ZBTB7C: variants seen among roughly 807,000 people sequenced by gnomAD.
ZBTB7C encodes zinc finger and BTB domain-containing protein 7C.
Under a neutral mutation model 25.7 loss-of-function variants are expected in ZBTB7C, and 8 were observed. That is an observed-to-expected ratio of 0.31 (90% CI 0.18 to 0.56). The LOEUF (loss-of-function observed/expected upper bound fraction) is 0.56, where lower values mean the gene tolerates loss of function less well. ZBTB7C is among the 20% of genes least tolerant of loss of function. ZBTB7C has a pLI of 0.91. For missense variants in ZBTB7C, 824 were observed against 855.2 expected, an observed-to-expected ratio of 0.96 and a Z score of 0.46; for synonymous variants, 394 against 369.0, an observed-to-expected ratio of 1.07 and a Z score of -0.78.
chr18:48,037,849 C>G (rs1167270822), intron 4 of ZBTB7C, among the ~76,000 whole-genome samples: 1 of 152,202 alleles, frequency 6.6e-6, no homozygotes, highest in East Asian at 1.9e-4. Flanking sequence ...CTTTCCTGAT[C>G]TGGCCTGTGA....
intron 3 of ZBTB7C, among the ~76,000 whole-genome samples, chr18:48,095,197 T>A (rs376303840): frequency 2.6e-5 from 4 of 151,928 alleles, no homozygotes; most frequent in East Asian, 3.9e-4. Flanking sequence ...AAATAAGGAG[T>A]CCTTGGATTC....
intron 2 of ZBTB7C, among the ~76,000 whole-genome samples, chr18:48,238,892 G>T (rs540523626): frequency 3.0e-4 from 45 of 152,232 alleles, no homozygotes; most frequent in African/African-American, 1.0e-3. Flanking sequence ...CCTTGTAGCC[G>T]GGGGCAAGAT....
intron 2 of ZBTB7C, among the ~76,000 whole-genome samples, chr18:48,311,749 G>C (rs2045825880): frequency 6.6e-6 from 1 of 152,154 alleles, no homozygotes; most frequent in Non-Finnish European, 1.5e-5. Flanking sequence ...GGCATGCATG[G>C]CTGACAGTAA....
At chr18:48,193,286 G>A (rs563687390) in intron 2 of ZBTB7C, among the ~76,000 whole-genome samples, 323 of 152,228 alleles carry the variant, frequency 2.1e-3, no homozygotes, top group African/African-American at 7.4e-3. Context: ...CCCGGGCCAG[G>A]CACACTCTCC....
intron 3 of ZBTB7C, among the ~76,000 whole-genome samples, chr18:48,114,461 C>G (rs1347998279): frequency 6.6e-6 from 1 of 152,040 alleles, no homozygotes; most frequent in Non-Finnish European, 1.5e-5. Flanking sequence ...ATTAGCTGGA[C>G]ACAGTGGTGG....
intron 3 of ZBTB7C, among the ~76,000 whole-genome samples, chr18:48,134,805 A>C (rs553235146): frequency 1.3e-5 from 2 of 152,212 alleles, no homozygotes; most frequent in African/African-American, 4.8e-5. Context: ...GCATGTGCCA[A>C]AAGTGCAGAC....
intron 3 of ZBTB7C, among the ~76,000 whole-genome samples, chr18:48,096,246 G>A (rs1267628926): frequency 1.3e-5 from 2 of 152,212 alleles, no homozygotes; most frequent in Non-Finnish European, 2.9e-5. Context: ...TTAAGAGAGT[G>A]TGAATGCAAG....
rs148739462 is a variant in ZBTB7C, at chr18:48,324,242, T to C, written c.-79+13932A>G. The stretch of plus-strand genomic sequence containing the variant: ...CAACCCAGCCCAGAGGGCCAGGGAA[T>C]GGACCATCTAGCTGCCCTCTGATGG... On this transcript the variant is annotated intron_variant, in intron 2 of 4. Coordinates refer to ENST00000590800, the MANE Select transcript of ZBTB7C (RefSeq NM_001318841.2). 1.6e-3 allele frequency among the ~76,000 whole-genome samples: 237 copies of C among 152,220 alleles called. 2 individuals carry two copies. Among genetic ancestry groups the C allele is most frequent in the African/African-American group, 5.4e-3 (225 of 41,536 alleles).
chr18:48,042,115 G>C (rs1181871096), intron 3 of ZBTB7C, among the ~76,000 whole-genome samples: 1 of 152,234 alleles, frequency 6.6e-6, no homozygotes, highest in Non-Finnish European at 1.5e-5. Context: ...TGTGGCATCT[G>C]CCAGGGCAGG....
chr18:48,307,168 A>T (rs556265781), intron 2 of ZBTB7C, among the ~76,000 whole-genome samples: 1 of 152,300 alleles, frequency 6.6e-6, no homozygotes, highest in South Asian at 2.1e-4. Context: ...CTTGGGGCAG[A>T]TTCCAGGACC....
At chr18:48,058,957 C>A (rs1339574703) in intron 3 of ZBTB7C, among the ~76,000 whole-genome samples, 3 of 152,188 alleles carry the variant, frequency 2.0e-5, no homozygotes, top group African/African-American at 7.2e-5. Flanking sequence ...CCTGTCCCCA[C>A]CTCCAGTCCC....
intron 2 of ZBTB7C, among the ~76,000 whole-genome samples, chr18:48,321,612 G>A (rs8089235): frequency 3.3e-5 from 5 of 151,972 alleles, no homozygotes; most frequent in South Asian, 2.1e-4. Flanking sequence ...CCTTTAGGAC[G>A]AGGACTTGGA....
chr18:48,194,895 C>A (rs2042283413), intron 2 of ZBTB7C, among the ~76,000 whole-genome samples: 1 of 151,222 alleles, frequency 6.6e-6, no homozygotes, highest in Non-Finnish European at 1.5e-5. Context: ...GGGGAGGGGG[C>A]AGAGGGACTG....
intron 2 of ZBTB7C, among the ~76,000 whole-genome samples, chr18:48,235,388 C>T (rs2043352934): frequency 6.6e-6 from 1 of 152,184 alleles, no homozygotes; most frequent in Non-Finnish European, 1.5e-5. Context: ...ATTAATACCA[C>T]TACATTTTCT....
intron 3 of ZBTB7C, among the ~76,000 whole-genome samples, chr18:48,108,021 TGTC>T (rs2039095083): frequency 2.0e-5 from 3 of 152,192 alleles, no homozygotes; most frequent in Non-Finnish European, 4.4e-5. Context: ...CCTAACTATC[TGTC>T]AGGGCACGTG....
chr18:48,392,816 C>G (rs1307473543), intron 1 of ZBTB7C, among the ~76,000 whole-genome samples: 1 of 152,216 alleles, frequency 6.6e-6, no homozygotes, highest in Non-Finnish European at 1.5e-5. Flanking sequence ...TGTTGCCTTT[C>G]TGACCTCTTC....
chr18:48,346,724 G>A (rs553272815), intron 1 of ZBTB7C: 2 of 152,306 alleles, frequency 1.3e-5, no homozygotes, highest in East Asian at 3.9e-4. Context: ...GGCCAGATGA[G>A]AAAGTGAAAT....
Position 48,162,140 on chromosome 18 carries a change from C to T in ZBTB7C, c.-17+23794G>A, listed in dbSNP as rs371646190. Among the ~76,000 whole-genome samples the T allele has an allele frequency of 6.7e-5, 10 of 150,376 alleles. No homozygotes were observed. In the South Asian group the frequency reaches 1.7e-3, roughly 25 times the overall value. On this transcript the variant is annotated intron_variant, in intron 3 of 4. Coordinates refer to ENST00000590800, the MANE Select transcript of ZBTB7C (RefSeq NM_001318841.2). ...TCCAGGCAGGGCTTCGTGCCAGACC[C>T]GGCTGTAGTTATCAGCTGGGTGGAG... is the stretch of plus-strand genomic sequence containing the variant.
At chr18:48,157,671 G>T (rs1255806639) in intron 3 of ZBTB7C, among the ~76,000 whole-genome samples, 1 of 152,196 alleles carries the variant, frequency 6.6e-6, no homozygotes, top group East Asian at 1.9e-4. Context: ...CTCACTGTGT[G>T]ACGTGAGGCA....
Sources: allele counts gnomAD v4.1 joint callset (sites outside exome capture counted in the v4.1 genomes callset), GRCh38; gene constraint gnomAD v4.1.1; transcripts MANE v1.5; gene names NCBI Gene and HGNC (gene_info 2026-07-23, HGNC 2026-07-21).